MICAL3: variants seen among roughly 807,000 people sequenced by gnomAD.
MICAL3 encodes the protein microtubule associated monooxygenase, calponin and LIM domain containing 3, also known as [F-actin]-monooxygenase MICAL3.
A neutral mutation model predicts 207.4 loss-of-function variants in MICAL3; 62 were observed. The ratio of observed to expected loss-of-function variants is 0.30; its 90% CI spans 0.24 to 0.37. The LOEUF is 0.37. Ranked by LOEUF, MICAL3 falls within the 10% of genes least tolerant of loss-of-function variation. MICAL3 has a pLI of 1.00. For missense variants in MICAL3, 2,368 were observed against 2,635.6 expected (o/e 0.90, Z 2.22); for synonymous variants, 1,077 against 1,069.3 (o/e 1.01, Z -0.14).
chr22:17,962,549 G>A (rs1934959352), intron 1 of MICAL3, among the ~76,000 whole-genome samples: 1 of 152,184 alleles, frequency 6.6e-6, no homozygotes, highest in South Asian at 2.1e-4. Context: ...ACTGCGGCCA[G>A]GCCACATCCA....
chr22:17,864,266 G>A, intron 19 of MICAL3: 2 of 1,048,312 alleles, frequency 1.9e-6, no homozygotes, highest in African/African-American at 1.7e-5. Context: ...AGTGGGACAG[G>A]TGAGGGCTTG....
chr22:18,022,308 C>T (rs1294142526), intron 1 of MICAL3, among the ~76,000 whole-genome samples: 2 of 152,180 alleles, frequency 1.3e-5, no homozygotes, highest in African/African-American at 4.8e-5. Flanking sequence ...TTACGAGGGA[C>T]TCGCCATGTG....
intron 1 of MICAL3, among the ~76,000 whole-genome samples, chr22:18,015,285 C>T (rs1923982280): frequency 6.6e-6 from 1 of 152,062 alleles, no homozygotes; most frequent in South Asian, 2.1e-4. Context: ...TGTAATATAT[C>T]ATAATTTCTG....
chr22:17,817,284 TG>T, intron 26 of MICAL3, 26 bp downstream of exon 26: 1 of 1,530,642 alleles, frequency 6.5e-7, no homozygotes, highest in Non-Finnish European at 8.8e-7. Flanking sequence ...CCGCTCTGCC[TG>T]CACGCGGACC....
chr22:17,988,610 G>A (rs1386603762), intron 1 of MICAL3, among the ~76,000 whole-genome samples: 2 of 152,042 alleles, frequency 1.3e-5, no homozygotes, highest in Admixed American at 6.6e-5. Context: ...GCCTGCAACC[G>A]CGCCCGGCTA....
intron 27 of MICAL3, chr22:17,813,590 A>C (rs1051511401): frequency 6.6e-6 from 1 of 152,278 alleles, no homozygotes; most frequent in Non-Finnish European, 1.5e-5. Context: ...TGATTTCCCG[A>C]AGCGGCTGCA....
intron 1 of MICAL3, among the ~76,000 whole-genome samples, chr22:17,926,783 G>A (rs1932942726): frequency 6.6e-6 from 1 of 152,230 alleles, no homozygotes; most frequent in Non-Finnish European, 1.5e-5. Context: ...ATTCGCATTT[G>A]CTCTTCCTAA....
chr22:17,943,205 C>CGGGAGT (rs1933892846), intron 1 of MICAL3, among the ~76,000 whole-genome samples: 2 of 152,282 alleles, frequency 1.3e-5, no homozygotes, highest in Non-Finnish European at 2.9e-5. Flanking sequence ...CTCTGTCACC[C>CGGGAGT]GGGCTTGAGT....
rs554150280 is a variant in MICAL3 at position 17,926,310 on chromosome 22, G to A, written c.-74-19424C>T. 4.2e-4 allele frequency among the ~76,000 whole-genome samples: 64 copies of A among 152,306 alleles called. 1 individual carries two copies. In the South Asian group the frequency reaches 0.013, roughly 31 times the overall value. The stretch of plus-strand genomic sequence containing the variant: ...CTGGCTTGGAAAAGGAATATCCCAG[G>A]GGAGAAGCGTGAATCTGTAGAGTAA... On this transcript the variant is annotated intron_variant, in intron 1 of 31. Coordinates refer to ENST00000441493, the MANE Select transcript of MICAL3 (RefSeq NM_015241.3).
intron 22 of MICAL3, among the ~76,000 whole-genome samples, chr22:17,825,742 G>A (rs1482798063): frequency 6.6e-6 from 1 of 152,170 alleles, no homozygotes; most frequent in Non-Finnish European, 1.5e-5. Context: ...CATAGGTGGT[G>A]GAGGCTGCAC....
At chr22:18,011,698 T>C (rs1923745170) in intron 1 of MICAL3, among the ~76,000 whole-genome samples, 1 of 150,638 alleles carries the variant, frequency 6.6e-6, no homozygotes, top group African/African-American at 2.4e-5. Context: ...GTAAAAATAT[T>C]ACTATATTAT....
Position 17,911,020 on chromosome 22 carries a change from C to T in MICAL3, c.-74-4134G>A, listed in dbSNP as rs945387494. Among the ~76,000 whole-genome samples the T allele has an allele frequency of 4.3e-5, 4 of 93,814 alleles. No homozygotes were observed. In the East Asian group the frequency reaches 1.4e-3, roughly 34 times the overall value. The allele number at this position is 93,814 out of a possible 152,430, so 61.5% of individuals were successfully genotyped here. Reference sequence around the variant, plus strand: ...AGGAAGTGAGGAGCCGGGTTGGGGGCTGGGGGAGGAAGAGGAGGTGATGCC... The same window carrying T: ...AGGAAGTGAGGAGCCGGGTTGGGGGTTGGGGGAGGAAGAGGAGGTGATGCC... On this transcript the variant is annotated intron_variant, in intron 1 of 31. Coordinates refer to ENST00000441493, the MANE Select transcript of MICAL3 (RefSeq NM_015241.3).
At chr22:17,860,059 C>T (rs1288556613) in intron 19 of MICAL3, 3 of 439,816 alleles carry the variant, frequency 6.8e-6, no homozygotes, top group Non-Finnish European at 9.1e-6. Flanking sequence ...AGTCCTGAGC[C>T]ACAGTGGCCT....
intron 1 of MICAL3, among the ~76,000 whole-genome samples, chr22:17,921,435 C>T (rs570520289): frequency 6.6e-6 from 1 of 152,288 alleles, no homozygotes; most frequent in South Asian, 2.1e-4. Flanking sequence ...TTGAGACTGG[C>T]CTTGGTCATT....
chr22:17,926,425 G>A (rs1214161686), intron 1 of MICAL3, among the ~76,000 whole-genome samples: 1 of 152,162 alleles, frequency 6.6e-6, no homozygotes, highest in Admixed American at 6.5e-5. Context: ...GGCTTTTTAT[G>A]CCACTTTCTA....
intron 1 of MICAL3, among the ~76,000 whole-genome samples, chr22:18,013,847 C>G (rs548711690): frequency 1.3e-5 from 2 of 152,226 alleles, no homozygotes; most frequent in African/African-American, 4.8e-5. Flanking sequence ...GTTGCCCAGG[C>G]TGGCATGCAG....
intron 1 of MICAL3, among the ~76,000 whole-genome samples, chr22:18,008,561 C>T (rs1923547532): frequency 6.6e-6 from 1 of 152,138 alleles, no homozygotes; most frequent in South Asian, 2.1e-4. Context: ...TGTTCTTGCC[C>T]CTCTTCTACA....
chr22:17,795,186 C>G (rs1484668324), intron 29 of MICAL3, among the ~76,000 whole-genome samples: 1 of 152,250 alleles, frequency 6.6e-6, no homozygotes, highest in Admixed American at 6.5e-5. Context: ...GCTAAGCACA[C>G]ACGGCACAGC....
At chr22:18,005,537 G>T (rs1923331101) in intron 1 of MICAL3, 1 of 152,230 alleles carries the variant, frequency 6.6e-6, no homozygotes, top group Non-Finnish European at 1.5e-5. Context: ...AGGGTTTAGG[G>T]AGTGTGGTAC....
Sources: allele counts gnomAD v4.1 joint callset (sites outside exome capture counted in the v4.1 genomes callset), GRCh38; gene constraint gnomAD v4.1.1; transcripts MANE v1.5; gene names NCBI Gene and HGNC (gene_info 2026-07-23, HGNC 2026-07-21).